Variants in PEX14 observed in about 807,000 individuals in gnomAD.
The protein encoded by PEX14 is peroxisomal membrane protein PEX14.
A neutral mutation model predicts 49.5 loss-of-function variants in PEX14; 15 were observed. That is an observed-to-expected ratio of 0.30 (90% CI 0.20 to 0.47). The LOEUF is 0.47. PEX14 is among the 20% of genes least tolerant of loss of function. The pLI, the probability that PEX14 is intolerant of heterozygous loss-of-function variation, is 1.00. For missense variants in PEX14, 398 were observed against 494.8 expected, an observed-to-expected ratio of 0.80 and a Z score of 1.86; for synonymous variants, 210 against 212.7, an observed-to-expected ratio of 0.99 and a Z score of 0.11.
chr1:10,611,510 G>A (rs1641276761), intron 4 of PEX14, among the ~76,000 whole-genome samples: 1 of 152,148 alleles, frequency 6.6e-6, no homozygotes, highest in Middle Eastern at 3.2e-3. Flanking sequence ...TCCTAGGAGT[G>A]GAATGGCTTA....
chr1:10,549,963 C>G (rs1639288614), intron 3 of PEX14, among the ~76,000 whole-genome samples: 1 of 152,186 alleles, frequency 6.6e-6, no homozygotes, highest in African/African-American at 2.4e-5. Context: ...ATCCATCCAT[C>G]TTTCCATCCA....
In PEX14 at chr1:10,592,535, T is replaced by G. The variant is rs185779418; in HGVS notation, c.170-6703T>G. Among the ~76,000 whole-genome samples, 419 of 152,314 alleles carry G rather than the reference T, an allele frequency of 2.8e-3. 5 individuals carry two copies. Among genetic ancestry groups the G allele is most frequent in the Non-Finnish European group, 2.2e-3 (153 of 68,018 alleles). ...TGTGTTACATAGAGGGGCAGCTCAC[T>G]TCTGTCTTGTTCGCCAGTTATACTA... On this transcript the variant is annotated intron_variant, in intron 3 of 8. Transcript: ENST00000356607.
intron 2 of PEX14, among the ~76,000 whole-genome samples, chr1:10,500,555 G>T (rs1207992814): frequency 6.6e-6 from 1 of 152,038 alleles, no homozygotes; most frequent in Non-Finnish European, 1.5e-5. Flanking sequence ...TGGATAAGTG[G>T]TTCTCATTTT....
At chr1:10,536,532 A>G (rs1384872167) in intron 3 of PEX14, 4 of 531,356 alleles carry the variant, frequency 7.5e-6, no homozygotes, top group Non-Finnish European at 1.4e-5. Context: ...AGTCCAGTCC[A>G]TCATGGCAAA....
rs1166437010 is a variant in PEX14, at chr1:10,566,074, C to T, written c.169+29777C>T. Among the ~76,000 whole-genome samples, 13 of 152,268 alleles carry T rather than the reference C, an allele frequency of 8.5e-5. No homozygotes were observed. In the South Asian group the frequency reaches 1.0e-3, roughly 12 times the overall value. ...TTGCTCACCTTTCTGCAGTTCCCTT[C>T]TCACTGAGATCTTGGACTCTCAAGT... On this transcript the variant is annotated intron_variant, in intron 3 of 8. Transcript: ENST00000356607.
chr1:10,595,436 T>A (rs2124596154), intron 3 of PEX14, among the ~76,000 whole-genome samples: 1 of 152,258 alleles, frequency 6.6e-6, no homozygotes, highest in Admixed American at 6.5e-5. Flanking sequence ...ATATTTTAAT[T>A]GTCAGTGCTA....
intron 3 of PEX14, among the ~76,000 whole-genome samples, chr1:10,571,636 C>G (rs959988488): frequency 5.9e-5 from 9 of 152,160 alleles, no homozygotes; most frequent in African/African-American, 2.2e-4. Flanking sequence ...GGATGAAACC[C>G]CATCTCTACT....
intron 2 of PEX14, among the ~76,000 whole-genome samples, chr1:10,525,526 G>A (rs561613983): frequency 6.6e-6 from 1 of 152,326 alleles, no homozygotes; most frequent in African/African-American, 2.4e-5. Context: ...TCTGGGGCTG[G>A]TGTGCTTGGT....
chr1:10,540,953 G>A (rs1179288859), intron 3 of PEX14, among the ~76,000 whole-genome samples: 1 of 152,172 alleles, frequency 6.6e-6, no homozygotes, highest in Non-Finnish European at 1.5e-5. Context: ...TGGAGTCATT[G>A]AAGCCAGTAT....
At chr1:10,511,900 C>T (rs1384611925) in intron 2 of PEX14, among the ~76,000 whole-genome samples, 3 of 152,138 alleles carry the variant, frequency 2.0e-5, no homozygotes, top group Non-Finnish European at 2.9e-5. Context: ...TGTTTCTCTC[C>T]AGAGGTGTCA....
At chr1:10,508,534 A>G (rs1195781172) in intron 2 of PEX14, among the ~76,000 whole-genome samples, 2 of 151,968 alleles carry the variant, frequency 1.3e-5, no homozygotes, top group Non-Finnish European at 2.9e-5. Flanking sequence ...AGACTGACAT[A>G]TGGGCAACTT....
In PEX14 at chr1:10,533,701, A is replaced by G. The variant is rs554409640; in HGVS notation, c.85-2512A>G. On this transcript the variant is annotated intron_variant, in intron 2 of 8. Coordinates refer to ENST00000356607, the MANE Select transcript of PEX14 (RefSeq NM_004565.3). Reference sequence around the variant, plus strand: ...GATTTTTCCCAATTGAATCAGACCCACCACAGGTGTAATAACTAATCATTT... The same window carrying G: ...GATTTTTCCCAATTGAATCAGACCCGCCACAGGTGTAATAACTAATCATTT... Among the ~76,000 whole-genome samples the G allele has an allele frequency of 2.6e-5, 4 of 152,240 alleles. No individual in the cohort carries two copies. In the East Asian group the frequency reaches 7.7e-4, roughly 29 times the overall value.
rs1640850247 is a variant in PEX14, at chr1:10,597,035, G to A, written c.170-2203G>A. 6.6e-6 allele frequency among the ~76,000 whole-genome samples: 1 copy of A among 152,258 alleles called. No individual in the cohort carries two copies. Among genetic ancestry groups the A allele is most frequent in the Admixed American group, 6.5e-5 (1 of 15,282 alleles). On this transcript the variant is annotated intron_variant, in intron 3 of 8. Coordinates refer to ENST00000356607, the MANE Select transcript of PEX14 (RefSeq NM_004565.3). This position sits in a 1 kb window ranked among gnomAD's most constrained non-coding sequence, Gnocchi z 5.7. Reference sequence around the variant, plus strand: ...GGGCCAGAGGGCAGAACTGCGGGCAGGGCGTCCTGTCCCTTTAACCAGCTC... The same window carrying A: ...GGGCCAGAGGGCAGAACTGCGGGCAAGGCGTCCTGTCCCTTTAACCAGCTC...
chr1:10,541,522 CGAG>C (rs1260967329), intron 3 of PEX14, among the ~76,000 whole-genome samples: 1 of 152,228 alleles, frequency 6.6e-6, no homozygotes, highest in African/African-American at 2.4e-5. Context: ...TGCAGGTGAG[CGAG>C]GAGCTGCTCG....
At chr1:10,492,467 G>T (rs574589316) in intron 1 of PEX14, among the ~76,000 whole-genome samples, 1 of 152,282 alleles carries the variant, frequency 6.6e-6, no homozygotes, top group East Asian at 1.9e-4. Context: ...TAAGTAGAAG[G>T]GTTCAAATCC....
chr1:10,505,685 T>TC (rs989177590), intron 2 of PEX14, among the ~76,000 whole-genome samples: 5 of 19,498 alleles, frequency 2.6e-4, no homozygotes, highest in African/African-American at 6.7e-4. Flanking sequence ...CTTGTGTGTA[T>TC]TTTTTTTTTT....
rs12061667 is a variant in PEX14 at position 10,618,382 on chromosome 1, G to T, written c.349G>T (p.Ala117Ser). The change falls in exon 5 of 9, where the codon GCA (alanine) becomes TCA (serine). Residue 117 changes from alanine to serine, a missense_variant. Ala to Ser is a moderately conservative substitution (Grantham distance 99, BLOSUM62 1). Coordinates refer to ENST00000356607, the MANE Select transcript of PEX14 (RefSeq NM_004565.3). ...RDYGALAIIM[A>S]GIAFGFHQLY... is the part of the protein sequence containing the mutation. ...TTACGGCGCCCTGGCCATCATCATG[G>T]CAGGCATTGCATTTGGCTTTCACCA... 878 of 1,613,854 alleles carry T rather than the reference G, an allele frequency of 5.4e-4. 5 individuals carry two copies. In the African/African-American group the frequency reaches 0.01, roughly 19 times the overall value.
chr1:10,520,153 T>TTTTTTTTTTTTTTTTTTTTTTTTTTTG (rs754714815), intron 2 of PEX14, among the ~76,000 whole-genome samples: 10 of 91,904 alleles, frequency 1.1e-4, no homozygotes, highest in Admixed American at 2.4e-4. Flanking sequence ...TTCTTCTTTT[T>TTTTTTTTTTTTTTTTTTTTTTTTTTTG]TTTTTTTTTG....
chr1:10,482,366 GT>G (rs1260718572), intron 1 of PEX14, among the ~76,000 whole-genome samples: 2 of 151,642 alleles, frequency 1.3e-5, no homozygotes, highest in African/African-American at 2.4e-5. Context: ...CTGACCTCAA[GT>G]GATCCACCTA....
Sources: allele counts gnomAD v4.1 joint callset (sites outside exome capture counted in the v4.1 genomes callset), GRCh38; gene constraint gnomAD v4.1.1; non-coding constraint Gnocchi (gnomAD v3.1); transcripts MANE v1.5; gene names NCBI Gene and HGNC (gene_info 2026-07-23, HGNC 2026-07-21).